Variants in CACNA1F observed in about 807,000 individuals in gnomAD.
CACNA1F encodes calcium voltage-gated channel subunit alpha1 F, also known as voltage-dependent L-type calcium channel subunit alpha-1F.
A neutral mutation model predicts 143.8 loss-of-function variants in CACNA1F; 59 were observed. That is an observed-to-expected ratio of 0.41 (90% CI 0.33 to 0.51). CACNA1F has a LOEUF of 0.51. CACNA1F is among the 20% of genes least tolerant of loss of function. CACNA1F has a pLI of 0.22. For missense variants in CACNA1F, 1,411 were observed against 1,647.5 expected, an observed-to-expected ratio of 0.86 and a Z score of 2.48; for synonymous variants, 643 against 649.1, an observed-to-expected ratio of 0.99 and a Z score of 0.14.
chrX:49,208,415 T>TCCTCCCCCC, intron 43 of CACNA1F, 100 bp downstream of exon 43: 1 of 138,731 alleles, frequency 7.2e-6, no homozygotes, highest in Non-Finnish European at 1.4e-5. Context: ...CTCTAGGCCC[T>TCCTCCCCCC]CCCTCCCACC....
chrX:49,218,862 A>G lies in CACNA1F; in HGVS notation c.2733+20T>C. On this transcript the variant is annotated intron_variant, in intron 22 of 47. Coordinates refer to ENST00000323022, the MANE Select transcript of CACNA1F (RefSeq NM_001256789.3). ...GAGTGCCAGGGCAACTGAGGGTAGG[A>G]CTGGGGTCCCATTAGTCACCTTTAG... is the stretch of plus-strand genomic sequence containing the variant. 8.5e-7 allele frequency: 1 copy of G among 1,181,376 alleles called. No homozygotes were observed. The highest frequency in any genetic ancestry group is 1.1e-6 in the Non-Finnish European group (1 of 869,922).
At chrX:49,229,651 G>T (rs782417548) in intron 6 of CACNA1F, among the ~76,000 whole-genome samples, 18 of 108,178 alleles carry the variant, frequency 1.7e-4, no homozygotes, top group Middle Eastern at 4.9e-3. Context: ...ACGGAGTCTC[G>T]CTCTGTCGCC....
At chrX:49,219,207 C>A in intron 21 of CACNA1F, 114 bp downstream of exon 21, 1 of 823,544 alleles carries the variant, frequency 1.2e-6, no homozygotes. Flanking sequence ...TAATGAGCCC[C>A]TCTCTCGGCT....
rs1557111009 is a variant in CACNA1F, at chrX:49,230,334, C to G, written c.703G>C (p.Val235Leu). Residue 235 changes from valine to leucine, a missense_variant, in exon 6 of 48, where the codon GTG becomes CTG. Val to Leu is a conservative substitution (Grantham distance 32). This residue lies in a region of CACNA1F where 950 missense variants were observed against 1,128.1 expected (regional missense o/e 0.84). Transcript: ENST00000323022. ...IVLNSIMKAL[V>L]PLLHIALLVL... ...AGCAGTGCAATGTGCAGCAGCGGCA[C>G]CAGAGCCTTCATGATGGAATTGAGC... is the stretch of plus-strand genomic sequence containing the variant. The G allele has an allele frequency of 8.3e-7, 1 of 1,210,281 alleles. No homozygotes were observed.
chrX:49,209,880 T>C (rs1241820866), intron 40 of CACNA1F, 61 bp downstream of exon 40: 6 of 1,133,965 alleles, frequency 5.3e-6, no homozygotes, highest in Non-Finnish European at 7.3e-6. Flanking sequence ...GGTTTTGTGG[T>C]GGAGAGCGAT....
chrX:49,228,266 G>C lies in CACNA1F; in HGVS notation c.999C>G (p.Thr333=). 8.3e-7 allele frequency: 1 copy of C among 1,211,317 alleles called. No individual in the cohort carries two copies. Among genetic ancestry groups the C allele is most frequent in the East Asian group, 3.0e-5 (1 of 33,842 alleles). ...TCCACCTCACCCAGTAGAGCACATC[G>C]GTCCAGCCTTCCATGGTGACACACT... ...VFQCVTMEGW[T]DVLYWMQDAM... The change falls in exon 7 of 48, where the codon ACC becomes ACG. Residue 333 remains threonine, a synonymous_variant. Coordinates refer to ENST00000323022, the MANE Select transcript of CACNA1F (RefSeq NM_001256789.3).
intron 6 of CACNA1F, 145 bp from the exon 7 acceptor site, chrX:49,228,592 T>C (rs782096308): frequency 2.2e-5 from 11 of 501,780 alleles, no homozygotes; most frequent in African/African-American, 1.9e-4. Flanking sequence ...TGAGACGGGG[T>C]CTCCCTCTGT....
Position 49,219,716 on chromosome X carries a change from G to A in CACNA1F, c.2461C>T (p.Leu821Phe), listed in dbSNP as rs1005399568. The change falls in exon 20 of 48, where the codon CTC (leucine) becomes TTC (phenylalanine). Residue 821 changes from leucine (L) to phenylalanine (F), a missense_variant. Leu to Phe is a conservative substitution (Grantham distance 22). Around this residue, in one of 3 missense-constraint regions of CACNA1F, gnomAD observed 950 missense variants for 1,128.1 expected, o/e 0.84. Coordinates refer to ENST00000323022, the MANE Select transcript of CACNA1F (RefSeq NM_001256789.3). ...EEEEGAGGVE[L>F]LQEVVPKEKV... ...TCCTTGGGTACAACTTCCTGCAGGA[G>A]TTCCACACCCCCTGCACCCTCTTCC... 4 of 1,192,907 alleles carry A rather than the reference G, an allele frequency of 3.4e-6. No individual in the cohort carries two copies. The African/African-American group carries it at 7.1e-5, about 21-fold the overall frequency.
chrX:49,219,762 T>G lies in CACNA1F; in HGVS notation c.2415A>C (p.Glu805Asp). ...CTTCCTCTTCTTCCTCTTCTTCCTCTTCTTCCTCCTCCTCCTCCTCCTCCA... is the reference window on the plus strand; with the variant it reads ...CTTCCTCTTCTTCCTCTTCTTCCTCGTCTTCCTCCTCCTCCTCCTCCTCCA... ...ADMEEEEEEEEEEEEEEEEEG... is the reference protein window; with the variant it reads ...ADMEEEEEEEDEEEEEEEEEG... The change falls in exon 20 of 48, where the codon GAA becomes GAC. Residue 805 changes from glutamate to aspartate, a missense_variant. Physicochemically the swap from Glu to Asp is conservative, Grantham distance 45. This residue lies in a region of CACNA1F where 950 missense variants were observed against 1,128.1 expected (regional missense o/e 0.84). Transcript: ENST00000323022. The G allele has an allele frequency of 7.2e-6, 8 of 1,106,655 alleles. No individual in the cohort carries two copies. In the Middle Eastern group the frequency reaches 1.9e-3, roughly 265 times the overall value. 91.2% of individuals were successfully genotyped at this position (1,106,655 alleles called of 1,213,427 possible). A position where few individuals can be genotyped will look rare whatever the true frequency, so the allele number is the denominator to read the frequency against.
chrX:49,228,255 T>C lies in CACNA1F; in HGVS notation c.1010A>G (p.Tyr337Cys), dbSNP rs1192329594. 1 of 1,208,934 alleles carries C rather than the reference T, an allele frequency of 8.3e-7. No individual in the cohort carries two copies. Among genetic ancestry groups the C allele is most frequent in the Non-Finnish European group, 1.1e-6 (1 of 893,627 alleles). Residue 337 changes from tyrosine (Y) to cysteine (C), a missense_variant, in exon 7 of 48, where the codon TAC becomes TGC. Tyr to Cys is a radical substitution (Grantham distance 194). This residue lies in a region of CACNA1F where 950 missense variants were observed against 1,128.1 expected (regional missense o/e 0.84). Coordinates refer to ENST00000323022, the MANE Select transcript of CACNA1F (RefSeq NM_001256789.3). ...TGTGCCCACAGTCCACCTCACCCAG[T>C]AGAGCACATCGGTCCAGCCTTCCAT... ...VTMEGWTDVL[Y>C]WMQDAMGYEL...
Position 49,209,369 on chromosome X carries a change from A to C in CACNA1F, c.4846T>G (p.Leu1616Val). Residue 1616 changes from leucine (L) to valine (V), a missense_variant, in exon 42 of 48, where the codon TTG (leucine) becomes GTG (valine). Transcript: ENST00000323022. ...AGGGCCTGCCGCATCTCAGGACCCA[A>C]GTCCTGCAGGCTCCGCAGACCAGCC... Reference protein sequence around the residue: ...LQAGLRSLQDLGPEMRQALTC... With the variant: ...LQAGLRSLQDVGPEMRQALTC... 8.3e-7 allele frequency: 1 copy of C among 1,209,795 alleles called. No homozygotes were observed. Among genetic ancestry groups the C allele is most frequent in the Non-Finnish European group, 1.1e-6 (1 of 894,134 alleles).
chrX:49,233,153 G>C, intron 1 of CACNA1F, 132 bp downstream of exon 1: 1 of 657,758 alleles, frequency 1.5e-6, no homozygotes, highest in South Asian at 2.4e-5. Context: ...GGGCTGGCTG[G>C]GATGGGGAAC....
intron 27 of CACNA1F, among the ~76,000 whole-genome samples, chrX:49,215,928 T>C (rs2065711006): frequency 9.2e-6 from 1 of 108,378 alleles, no homozygotes. Flanking sequence ...TCTGTAAATT[T>C]ATCCCTGTCC....
Position 49,205,245 on chromosome X carries a change from G to A in CACNA1F, c.5793C>T (p.Asp1931=), listed in dbSNP as rs2065580964. The A allele has an allele frequency of 8.3e-7, 1 of 1,203,953 alleles. No individual in the cohort carries two copies. Among genetic ancestry groups the A allele is most frequent in the Non-Finnish European group, 1.1e-6 (1 of 890,319 alleles). The change falls in exon 48 of 48, where the codon GAC becomes GAT. Residue 1931 remains aspartate (D), a synonymous_variant. Coordinates refer to ENST00000323022, the MANE Select transcript of CACNA1F (RefSeq NM_001256789.3). ...GAGAGCTGGTTCCCTGTGCCAGCAG[G>A]TCACTGGCAGCATTGTCCATCTCAT... ...TLDEMDNAAS[D]LLAQGTSSLY... is the part of the protein sequence containing the mutation.
rs782061971 is a variant in CACNA1F, at chrX:49,213,503, C to T, written c.3792+316G>A. On this transcript the variant is annotated intron_variant, in intron 31 of 47. Transcript: ENST00000323022. ...AGAAAAGATGGAGCCAAAGCAGGAG[C>T]CAGTGAACATGACGGAGCCAATGGA... Among the ~76,000 whole-genome samples the T allele has an allele frequency of 2.5e-4, 28 of 111,854 alleles. No homozygotes were observed. In the South Asian group the frequency reaches 0.01, roughly 40 times the overall value.
At chrX:49,207,168 C>T (rs2065607195) in intron 43 of CACNA1F, 56 bp from the exon 44 acceptor site, 3 of 705,776 alleles carry the variant, frequency 4.3e-6, no homozygotes, top group South Asian at 4.6e-5. Flanking sequence ...TGGCCCTGGA[C>T]CCCTGGTTCC....
At position 49,208,653 on chromosome X, in the gene CACNA1F, C is replaced by G. The variant is rs202214415; in HGVS notation, c.4985G>C (p.Arg1662Pro). Residue 1662 changes from arginine to proline, a missense_variant, in exon 43 of 48, where the codon CGG (arginine) becomes CCG (proline). Coordinates refer to ENST00000323022, the MANE Select transcript of CACNA1F (RefSeq NM_001256789.3). ...ATMVSQPSARRGSGISVSLPV... is the reference protein window; with the variant it reads ...ATMVSQPSARPGSGISVSLPV... ...CAGAGACACAGAAATCCCGGAGCCC[C>G]GGCGAGCTGAGGGCTGGGAGACCAT... 6 of 1,210,770 alleles carry G rather than the reference C, an allele frequency of 5.0e-6. No homozygotes were observed. The highest frequency in any genetic ancestry group is 6.7e-6 in the Non-Finnish European group (6 of 895,131).
At chrX:49,229,135 C>T (rs1367028807) in intron 6 of CACNA1F, among the ~76,000 whole-genome samples, 7 of 111,168 alleles carry the variant, frequency 6.3e-5, no homozygotes, top group Non-Finnish European at 1.1e-4. Flanking sequence ...GAGAATAAAG[C>T]TTTTTTTTGG....
Position 49,230,518 on chromosome X carries a change from A to G in CACNA1F, c.613T>C (p.Leu205=), listed in dbSNP as rs782796391. Residue 205 remains leucine (L), a synonymous_variant, in exon 5 of 48, where the codon TTG becomes CTG. Transcript: ENST00000323022. The part of the protein sequence containing the change: ...GKPGGFDVKA[L]RAFRVLRPLR... ...GGCCGCAGCACCCGAAACGCCCTCAATGCCTTCACATCGAAGCCTCCTGGC... is the reference window on the plus strand; with the variant it reads ...GGCCGCAGCACCCGAAACGCCCTCAGTGCCTTCACATCGAAGCCTCCTGGC... 1.5e-5 allele frequency: 18 copies of G among 1,203,761 alleles called. No individual in the cohort carries two copies. In the East Asian group the frequency reaches 4.2e-4, roughly 28 times the overall value.
Sources: allele counts gnomAD v4.1 joint callset (sites outside exome capture counted in the v4.1 genomes callset), GRCh38; gene constraint gnomAD v4.1.1; regional missense constraint gnomAD v4.1.1; transcripts MANE v1.5; gene names NCBI Gene and HGNC (gene_info 2026-07-23, HGNC 2026-07-21).